Variants in KIF26B observed in about 807,000 individuals in gnomAD.
The protein encoded by KIF26B is kinesin-like protein KIF26B.
KIF26B carries 63 observed loss-of-function variants against 151.2 expected under a neutral mutation model. That is an observed-to-expected ratio of 0.42 (90% CI 0.34 to 0.51). The LOEUF (loss-of-function observed/expected upper bound fraction) is 0.51. Ranked by LOEUF, KIF26B falls within the 20% of genes least tolerant of loss-of-function variation. KIF26B has a pLI of 0.07. For missense variants in KIF26B, 2,813 were observed against 2,913.6 expected (o/e 0.97, Z 0.79); for synonymous variants, 1,357 against 1,262.1 (o/e 1.08, Z -1.59).
intron 12 of KIF26B, among the ~76,000 whole-genome samples, chr1:245,695,453 G>A (rs1194257953): frequency 6.6e-6 from 1 of 152,200 alleles, no homozygotes; most frequent in Admixed American, 6.5e-5. Context: ...TCAGCTGGAG[G>A]TGCAGGAACT....
intron 3 of KIF26B, among the ~76,000 whole-genome samples, chr1:245,411,045 AG>A (rs1318195221): frequency 2.0e-5 from 3 of 152,230 alleles, no homozygotes; most frequent in Admixed American, 2.0e-4. Flanking sequence ...TTATTGCCCT[AG>A]TTTTTAGTAC....
chr1:245,552,122 G>GGTGTGTGTGT (rs55650522), intron 5 of KIF26B, among the ~76,000 whole-genome samples: 84 of 131,700 alleles, frequency 6.4e-4, no homozygotes, highest in East Asian at 2.3e-3. Context: ...GAACCAGCAG[G>GGTGTGTGTGT]GTGTGTGTGT....
intron 4 of KIF26B, among the ~76,000 whole-genome samples, chr1:245,449,363 G>T (rs541961590): frequency 1.0e-3 from 153 of 152,282 alleles, no homozygotes; most frequent in African/African-American, 3.1e-3. Context: ...CAAAGGAAAT[G>T]CATTTTCCCA....
intron 9 of KIF26B, among the ~76,000 whole-genome samples, chr1:245,632,619 G>A (rs1202044428): frequency 1.3e-5 from 2 of 152,156 alleles, no homozygotes; most frequent in East Asian, 1.9e-4. Context: ...GCGGAGTGGT[G>A]GACCAGGACC....
chr1:245,232,130 GT>G (rs1463654861), intron 2 of KIF26B, among the ~76,000 whole-genome samples: 2 of 152,220 alleles, frequency 1.3e-5, no homozygotes, highest in African/African-American at 2.4e-5. Context: ...TGCCAAGAAA[GT>G]TTGAATAATA....
chr1:245,653,418 G>A (rs1043814183), intron 10 of KIF26B, among the ~76,000 whole-genome samples: 9 of 152,114 alleles, frequency 5.9e-5, no homozygotes, highest in African/African-American at 1.9e-4. Flanking sequence ...ATGAGCCCCC[G>A]GTGAGAGTAT....
At position 245,687,347 on chromosome 1, in the gene KIF26B, C is replaced by T. The variant is rs756117853; in HGVS notation, c.4364C>T (p.Pro1455Leu). The stretch of plus-strand genomic sequence containing the variant: ...GAAGTGAAAAAAGAGACGGCTCATC[C>T]CAATGAAGAAGGGATGATGAGGTGT... ...EEEVKKETAH[P>L]NEEGMMRCET... Residue 1455 changes from proline to leucine, a missense_variant, in exon 12 of 15, where the codon CCC (proline) becomes CTC (leucine). Around this residue, in one of 3 missense-constraint regions of KIF26B, gnomAD observed 2,060 missense variants for 2,088.6 expected, o/e 0.99. Coordinates refer to ENST00000407071, the MANE Select transcript of KIF26B (RefSeq NM_018012.4). This position sits in a 1 kb window ranked among gnomAD's most constrained non-coding sequence, Gnocchi z 4.9. 1.6e-5 allele frequency: 25 copies of T among 1,594,986 alleles called. No individual in the cohort carries two copies. In the Admixed American group the frequency reaches 4.4e-4, roughly 28 times the overall value.
chr1:245,571,103 C>A (rs1377003282), intron 5 of KIF26B, among the ~76,000 whole-genome samples: 5 of 152,164 alleles, frequency 3.3e-5, no homozygotes, highest in Non-Finnish European at 7.3e-5. Flanking sequence ...CCAGTTAGAT[C>A]CTAAGTCCCT....
At chr1:245,590,660 C>T (rs1435045530) in intron 5 of KIF26B, among the ~76,000 whole-genome samples, 4 of 152,170 alleles carry the variant, frequency 2.6e-5, no homozygotes, top group Admixed American at 6.5e-5. Context: ...GTATTCCCAG[C>T]ACGTTGGGAG....
intron 4 of KIF26B, among the ~76,000 whole-genome samples, chr1:245,420,700 C>T (rs1338866164): frequency 2.0e-5 from 3 of 152,194 alleles, no homozygotes; most frequent in Non-Finnish European, 2.9e-5. Flanking sequence ...GAGGATGATA[C>T]CTGCTCTGCA....
At chr1:245,159,334 A>G (rs1246660936) in intron 2 of KIF26B, among the ~76,000 whole-genome samples, 2 of 152,180 alleles carry the variant, frequency 1.3e-5, no homozygotes, top group Admixed American at 1.3e-4. Context: ...ACATCCAGGA[A>G]CCTTAATATT....
intron 3 of KIF26B, among the ~76,000 whole-genome samples, chr1:245,410,011 C>T (rs564106592): frequency 1.5e-4 from 23 of 152,312 alleles, no homozygotes; most frequent in Admixed American, 8.5e-4. Context: ...TGGTCATTCA[C>T]GTGTGACTTG....
intron 3 of KIF26B, among the ~76,000 whole-genome samples, chr1:245,386,052 C>T (rs1304686195): frequency 1.3e-5 from 2 of 152,044 alleles, no homozygotes; most frequent in African/African-American, 4.8e-5. Flanking sequence ...ACCACCCTGG[C>T]CAACATGGTG....
chr1:245,457,452 A>T (rs922360649), intron 4 of KIF26B, among the ~76,000 whole-genome samples: 2 of 152,248 alleles, frequency 1.3e-5, no homozygotes, highest in African/African-American at 4.8e-5. Context: ...AATTGTATGC[A>T]TGCAAAATAT....
intron 2 of KIF26B, among the ~76,000 whole-genome samples, chr1:245,176,103 G>A (rs962951438): frequency 1.3e-5 from 2 of 151,972 alleles, no homozygotes; most frequent in African/African-American, 2.4e-5. Context: ...GGGTTCAAGC[G>A]ATTCTCCTGC....
intron 2 of KIF26B, among the ~76,000 whole-genome samples, chr1:245,246,098 GAA>G (rs199908845): frequency 4.0e-4 from 13 of 32,238 alleles, no homozygotes; most frequent in East Asian, 1.5e-3. Flanking sequence ...TCTCAAAAAA[GAA>G]AAAAAAAAAA....
At chr1:245,164,265 TA>T (rs1352886819) in intron 2 of KIF26B, among the ~76,000 whole-genome samples, 1 of 152,236 alleles carries the variant, frequency 6.6e-6, no homozygotes, top group Non-Finnish European at 1.5e-5. Flanking sequence ...GATTTTCTAA[TA>T]GTGAACCATC....
At chr1:245,228,427 C>T (rs1435807303) in intron 2 of KIF26B, among the ~76,000 whole-genome samples, 65 of 151,806 alleles carry the variant, frequency 4.3e-4, no homozygotes, top group Non-Finnish European at 1.0e-4. Context: ...TTAGCTGGGC[C>T]TGGAGGCGCA....
In KIF26B at chr1:245,218,844, C is replaced by G. The variant is rs868469193; in HGVS notation, c.465+62161C>G. 1.3e-5 allele frequency among the ~76,000 whole-genome samples: 2 copies of G among 152,160 alleles called. No homozygotes were observed. Among genetic ancestry groups the G allele is most frequent in the Non-Finnish European group, 2.9e-5 (2 of 68,038 alleles). On this transcript the variant is annotated intron_variant, in intron 2 of 14. Transcript: ENST00000407071. This position sits in a 1 kb window ranked among gnomAD's most constrained non-coding sequence, Gnocchi z 4.1. ...ATGAACCACTAAAAAGTTATTGGCT[C>G]TTAACTCCTGCTTTTTGTAGAAGCT...
Sources: gnomAD v4.1 joint callset for allele counts (sites outside exome capture counted in the v4.1 genomes callset) on GRCh38, gnomAD v4.1.1 for gene constraint, gnomAD v4.1.1 regional missense constraint, Gnocchi (gnomAD v3.1) non-coding constraint, MANE v1.5 for transcripts, NCBI Gene and HGNC (gene_info 2026-07-23, HGNC 2026-07-21) for gene names.